MEMO1: variants seen among roughly 807,000 people sequenced by gnomAD.
MEMO1 encodes the protein protein MEMO1.
MEMO1 carries 6 observed loss-of-function variants against 45.2 expected under a neutral mutation model. The observed-to-expected ratio is 0.13, with a 90% CI of 0.07 to 0.26. MEMO1 has a LOEUF of 0.26. MEMO1 is among the 10% of genes least tolerant of loss of function. The pLI is 1.00. For synonymous variants in MEMO1, 78 were observed against 124.3 expected, an observed-to-expected ratio of 0.63 and a Z score of 2.48; for missense variants, 184 against 370.5, an observed-to-expected ratio of 0.50 and a Z score of 4.13.
At chr2:31,889,296 A>G (rs970898292) in intron 7 of MEMO1, among the ~76,000 whole-genome samples, 5 of 152,100 alleles carry the variant, frequency 3.3e-5, no homozygotes, top group African/African-American at 1.2e-4. Context: ...TAGTGTGTTA[A>G]GAGGAAACTC....
intron 3 of MEMO1, among the ~76,000 whole-genome samples, chr2:31,937,226 G>C (rs181622124): frequency 6.6e-6 from 1 of 152,124 alleles, no homozygotes; most frequent in Non-Finnish European, 1.5e-5. Context: ...AAAAGTCCAA[G>C]TTAGATAGTT....
At chr2:31,947,846 T>C (rs1666366075) in intron 2 of MEMO1, among the ~76,000 whole-genome samples, 1 of 152,130 alleles carries the variant, frequency 6.6e-6, no homozygotes, top group Admixed American at 6.5e-5. Flanking sequence ...TTTCAAGAAT[T>C]CCCTTGCAAC....
In MEMO1 at chr2:31,903,569, C is replaced by T. The variant is rs1450275565; in HGVS notation, c.438-11435G>A. On this transcript the variant is annotated intron_variant, in intron 6 of 9. Coordinates refer to ENST00000404530, the MANE Select transcript of MEMO1 (RefSeq NM_001301833.4). The stretch of plus-strand genomic sequence containing the variant: ...ACTGAAACTATTCCATTACCACCAA[C>T]AAAGAATGATTTGCTATTATTCTGG... 3.9e-5 allele frequency among the ~76,000 whole-genome samples: 6 copies of T among 152,208 alleles called. No individual in the cohort carries two copies. The East Asian group carries it at 9.6e-4, about 24-fold the overall frequency.
chr2:31,913,077 G>C (rs569380532), intron 6 of MEMO1, among the ~76,000 whole-genome samples: 2 of 151,834 alleles, frequency 1.3e-5, no homozygotes, highest in Non-Finnish European at 2.9e-5. Context: ...AAGAGATGGA[G>C]ACCATTCTGG....
At chr2:31,869,613 G>C (rs997646508) in intron 9 of MEMO1, among the ~76,000 whole-genome samples, 1 of 151,994 alleles carries the variant, frequency 6.6e-6, no homozygotes, top group Non-Finnish European at 1.5e-5. Flanking sequence ...GAAAATGTGG[G>C]TCTCTATTCT....
intron 2 of MEMO1, among the ~76,000 whole-genome samples, chr2:31,989,573 C>T (rs1671691159): frequency 6.6e-6 from 1 of 152,134 alleles, no homozygotes; most frequent in South Asian, 2.1e-4. Flanking sequence ...CAACTAGATT[C>T]ATAGATCTTA....
chr2:32,010,984 C>T lies in MEMO1; in HGVS notation c.-60G>A, dbSNP rs1336869828. On this transcript the variant is annotated 5_prime_UTR_variant, in exon 1 of 10. Coordinates refer to ENST00000404530, the MANE Select transcript of MEMO1 (RefSeq NM_001301833.4). ...CCTGCCCACTGAGCATGCCCAGCAC[C>T]GCTGCCTACCCGCCGAGGAATCTCA... 3 of 152,322 alleles carry T rather than the reference C, an allele frequency of 2.0e-5. No homozygotes were observed. Among genetic ancestry groups the T allele is most frequent in the Non-Finnish European group, 4.4e-5 (3 of 68,094 alleles). The allele number at this position is 152,322 out of a possible 1,614,324, so 9.4% of individuals were successfully genotyped here.
chr2:31,940,630 C>T (rs962526438), intron 3 of MEMO1, among the ~76,000 whole-genome samples: 7 of 152,142 alleles, frequency 4.6e-5, no homozygotes, highest in African/African-American at 1.7e-4. Context: ...CTGTAGCCTC[C>T]CCCTGGGCTC....
intron 4 of MEMO1, chr2:31,923,661 G>A (rs1027501819): frequency 6.5e-7 from 1 of 1,547,364 alleles, no homozygotes; most frequent in African/African-American, 1.4e-5. Context: ...ATGAGAAAGG[G>A]CATTTTTCTG....
At chr2:31,925,332 C>T (rs1682919424) in intron 4 of MEMO1, among the ~76,000 whole-genome samples, 2 of 151,914 alleles carry the variant, frequency 1.3e-5, no homozygotes, top group Middle Eastern at 3.4e-3. Flanking sequence ...AAAAATTAGC[C>T]AGGCGTGGTG....
intron 2 of MEMO1, among the ~76,000 whole-genome samples, chr2:31,954,835 GA>G (rs200128212): frequency 1.5e-3 from 186 of 124,216 alleles, no homozygotes; most frequent in Middle Eastern, 4.0e-3. Context: ...ACTCTGTTTT[GA>G]AAAAAAAAAA....
chr2:31,999,866 T>A (rs2148588078), intron 2 of MEMO1, among the ~76,000 whole-genome samples: 1 of 151,844 alleles, frequency 6.6e-6, no homozygotes, highest in Middle Eastern at 3.4e-3. Context: ...GGCTTGTTCT[T>A]TCACCTGCAT....
chr2:31,900,210 A>T (rs1678571303), intron 6 of MEMO1, among the ~76,000 whole-genome samples: 1 of 152,210 alleles, frequency 6.6e-6, no homozygotes. Context: ...AAATCATTCT[A>T]TTATAAAGAC....
chr2:31,868,517 G>C, intron 9 of MEMO1, 25 bp from the exon 10 acceptor site: 2 of 1,572,946 alleles, frequency 1.3e-6, no homozygotes, highest in East Asian at 2.3e-5. Context: ...AATTTGGTTA[G>C]GACACACATC....
At chr2:31,954,615 C>G (rs1251718100) in intron 2 of MEMO1, among the ~76,000 whole-genome samples, 1 of 152,024 alleles carries the variant, frequency 6.6e-6, no homozygotes, top group Non-Finnish European at 1.5e-5. Context: ...GGCGGATCAT[C>G]TGAAGTCAGG....
chr2:31,989,111 C>T (rs1671626851), intron 2 of MEMO1, among the ~76,000 whole-genome samples: 1 of 151,932 alleles, frequency 6.6e-6, no homozygotes, highest in South Asian at 2.1e-4. Context: ...GAGGCTGAGG[C>T]AGGGGAATCG....
At chr2:31,921,873 C>G (rs1465781402) in intron 4 of MEMO1, among the ~76,000 whole-genome samples, 1 of 152,024 alleles carries the variant, frequency 6.6e-6, no homozygotes, top group Non-Finnish European at 1.5e-5. Flanking sequence ...GCACTGTAGT[C>G]TAAAGAAAAG....
At chr2:31,935,409 G>A (rs562961718) in intron 3 of MEMO1, among the ~76,000 whole-genome samples, 36 of 152,262 alleles carry the variant, frequency 2.4e-4, no homozygotes, top group African/African-American at 7.2e-4. Flanking sequence ...GATTAATAAT[G>A]GAACTCAGAT....
intron 3 of MEMO1, among the ~76,000 whole-genome samples, 160 bp downstream of exon 3, chr2:31,943,142 G>A (rs1466338119): frequency 6.6e-6 from 1 of 152,130 alleles, no homozygotes; most frequent in African/African-American, 2.4e-5. Context: ...GCACACGCCT[G>A]TAGTCCCAAC....
Sources: gnomAD v4.1 joint callset for allele counts (sites outside exome capture counted in the v4.1 genomes callset) on GRCh38, gnomAD v4.1.1 for gene constraint, MANE v1.5 for transcripts, NCBI Gene and HGNC (gene_info 2026-07-23, HGNC 2026-07-21) for gene names.